The following GYS2 variants were observed in gnomAD, a reference collection of about 807,000 sequenced individuals.
GYS2 encodes the protein glycogen [starch] synthase, liver.
Under a neutral mutation model 85.6 loss-of-function variants are expected in GYS2, and 80 were observed. The ratio of observed to expected loss-of-function variants is 0.93; its 90% CI spans 0.78 to 1.13. The LOEUF (loss-of-function observed/expected upper bound fraction) is 1.13, where lower values mean the gene tolerates loss of function less well. Ranked by LOEUF, GYS2 falls within the 50% of genes most tolerant of loss-of-function variation. The pLI, the probability that GYS2 is intolerant of heterozygous loss-of-function variation, is 0.00. For missense variants in GYS2, 881 were observed against 854.9 expected (o/e 1.03, Z -0.38); for synonymous variants, 328 against 300.7 (o/e 1.09, Z -0.94).
At chr12:21,572,020 A>C (rs1023776031) in intron 4 of GYS2, among the ~76,000 whole-genome samples, 1 of 151,840 alleles carries the variant, frequency 6.6e-6, no homozygotes, top group Admixed American at 6.6e-5. Context: ...GGGGCAAAAC[A>C]AGAAAACTAA....
chr12:21,563,626 G>A (rs1944282490), intron 5 of GYS2, among the ~76,000 whole-genome samples: 1 of 152,076 alleles, frequency 6.6e-6, no homozygotes, highest in African/African-American at 2.4e-5. Context: ...CAATAATAAT[G>A]GTTATTATAG....
intron 12 of GYS2, 28 bp from the exon 13 acceptor site, chr12:21,542,619 G>A: frequency 6.7e-7 from 1 of 1,486,660 alleles, no homozygotes; most frequent in Non-Finnish European, 9.4e-7. Flanking sequence ...CCAAAGCTTG[G>A]CTTCAGACCA....
chr12:21,534,530 A>G (rs1311336544), downstream of GYS2, among the ~76,000 whole-genome samples: 5 of 152,068 alleles, frequency 3.3e-5, no homozygotes, highest in Non-Finnish European at 7.4e-5. Flanking sequence ...AGAAAAAGAA[A>G]AAGAAGGAAA....
intron 11 of GYS2, among the ~76,000 whole-genome samples, chr12:21,556,672 C>T (rs1458829847): frequency 1.3e-5 from 2 of 152,176 alleles, no homozygotes; most frequent in Non-Finnish European, 2.9e-5. Context: ...TGACATGATC[C>T]TCAAACCAGT....
downstream of GYS2, among the ~76,000 whole-genome samples, chr12:21,535,698 A>G (rs996253942): frequency 1.3e-5 from 2 of 152,180 alleles, no homozygotes; most frequent in African/African-American, 4.8e-5. Flanking sequence ...CATTTTTGTG[A>G]TCAATAATCC....
chr12:21,600,277 C>A (rs1231026179), intron 1 of GYS2, among the ~76,000 whole-genome samples: 2 of 152,070 alleles, frequency 1.3e-5, no homozygotes, highest in Non-Finnish European at 2.9e-5. Context: ...TGTGAGCCTC[C>A]ATGGCCAGCT....
At chr12:21,540,788 G>A (rs1428614384) in intron 13 of GYS2, among the ~76,000 whole-genome samples, 1 of 152,056 alleles carries the variant, frequency 6.6e-6, no homozygotes, top group Non-Finnish European at 1.5e-5. Flanking sequence ...AGTGGATCTT[G>A]CTGAAAAAAA....
chr12:21,560,281 T>TAAA, intron 8 of GYS2, 105 bp downstream of exon 8: 1 of 754,036 alleles, frequency 1.3e-6, no homozygotes. Context: ...TCTGTAATAA[T>TAAA]CTTAAGGAAA....
chr12:21,582,422 C>T (rs1229807731), intron 1 of GYS2, among the ~76,000 whole-genome samples: 2 of 152,126 alleles, frequency 1.3e-5, no homozygotes, highest in East Asian at 3.9e-4. Context: ...TTCTCCCATG[C>T]TGGATTCTTC....
chr12:21,574,889 T>C (rs982013147), intron 3 of GYS2, among the ~76,000 whole-genome samples: 2 of 151,942 alleles, frequency 1.3e-5, no homozygotes, highest in Non-Finnish European at 2.9e-5. Context: ...CCTAAAACTA[T>C]TTAACAATCA....
chr12:21,566,503 G>T (rs1944322406), intron 5 of GYS2, among the ~76,000 whole-genome samples: 1 of 152,154 alleles, frequency 6.6e-6, no homozygotes, highest in South Asian at 2.1e-4. Flanking sequence ...AAGAAGCCCA[G>T]ATTGCAGTGT....
chr12:21,538,850 C>T (rs1366639537), intron 15 of GYS2, among the ~76,000 whole-genome samples: 1 of 152,156 alleles, frequency 6.6e-6, no homozygotes, highest in Non-Finnish European at 1.5e-5. Context: ...ACCATAAATG[C>T]TCATCTAGTT....
Position 21,539,318 on chromosome 12 carries a change from G to A in GYS2, c.1830C>T (p.His610=). The A allele has an allele frequency of 5.0e-6, 8 of 1,601,086 alleles. No homozygotes were observed. The highest frequency in any genetic ancestry group is 6.8e-6 in the Non-Finnish European group (8 of 1,168,254). ...YLGRYYQHAR[H]LTLSRAFPDK... ...CTGGAAAAGCTCTGCTTAATGTCAG[G>A]TGTCTGGCATGCTGGTAATACTATT... is the stretch of plus-strand genomic sequence containing the variant. Residue 610 remains histidine, a synonymous_variant, in exon 15 of 16, where the codon CAC becomes CAT. Transcript: ENST00000261195.
chr12:21,569,927 C>T (rs1944366738), intron 4 of GYS2, among the ~76,000 whole-genome samples: 1 of 152,140 alleles, frequency 6.6e-6, no homozygotes, highest in Non-Finnish European at 1.5e-5. Flanking sequence ...TGTCGAAGGT[C>T]ACATTGCTAT....
chr12:21,584,635 C>T (rs868004535), intron 1 of GYS2, among the ~76,000 whole-genome samples: 23 of 152,194 alleles, frequency 1.5e-4, no homozygotes, highest in Middle Eastern at 3.2e-3. Context: ...GATATGGCAC[C>T]ATTCCTCGGG....
intron 3 of GYS2, 52 bp from the exon 4 acceptor site, chr12:21,574,378 G>A: frequency 7.2e-7 from 1 of 1,391,354 alleles, no homozygotes; most frequent in Non-Finnish European, 1.0e-6. Context: ...AAGCTTGATT[G>A]TGCTCATGGT....
At chr12:21,576,750 G>T (rs1944451579) in intron 2 of GYS2, among the ~76,000 whole-genome samples, 1 of 151,904 alleles carries the variant, frequency 6.6e-6, no homozygotes, top group Non-Finnish European at 1.5e-5. Context: ...TTTTCCAGTT[G>T]TATGTATATC....
At chr12:21,588,779 A>G (rs770374312) in intron 1 of GYS2, among the ~76,000 whole-genome samples, 7 of 152,256 alleles carry the variant, frequency 4.6e-5, no homozygotes, top group East Asian at 1.9e-4. Context: ...AATTGATGTC[A>G]TCTACTACAT....
chr12:21,577,885 C>T (rs1170566364), intron 2 of GYS2, among the ~76,000 whole-genome samples: 2 of 152,126 alleles, frequency 1.3e-5, no homozygotes, highest in African/African-American at 4.8e-5. Flanking sequence ...AAAATATTAC[C>T]TTTCCTTGCT....
Sources: allele counts gnomAD v4.1 joint callset (sites outside exome capture counted in the v4.1 genomes callset), GRCh38; gene constraint gnomAD v4.1.1; transcripts MANE v1.5; gene names NCBI Gene and HGNC (gene_info 2026-07-23, HGNC 2026-07-21).